ZNF90: variants seen among roughly 807,000 people sequenced by gnomAD.
The protein encoded by ZNF90 is zinc finger protein 90.
ZNF90 carries 11 observed loss-of-function variants against 12.0 expected under a neutral mutation model. That is an observed-to-expected ratio of 0.92 (90% CI 0.58 to 1.52). The LOEUF is 1.52. Among genes scored for constraint, ZNF90 ranks in the 40% most tolerant of loss-of-function variants. ZNF90 has a pLI of 0.00. For missense variants in ZNF90, 765 were observed against 711.5 expected (o/e 1.08, Z -0.86); for synonymous variants, 232 against 240.1 (o/e 0.97, Z 0.31).
At chr19:20,116,849 G>A (rs2089140706) in intron 3 of ZNF90, among the ~76,000 whole-genome samples, 1 of 151,860 alleles carries the variant, frequency 6.6e-6, no homozygotes, top group African/African-American at 2.4e-5. Context: ...TTTAGACTCA[G>A]TAGACTCAAA....
In ZNF90 at chr19:20,119,999, A is replaced by G. The variant is rs2122536597; in HGVS notation, c.*639A>G. Among the ~76,000 whole-genome samples, 1 of 152,354 alleles carries G rather than the reference A, an allele frequency of 6.6e-6. No homozygotes were observed. The highest frequency in any genetic ancestry group is 1.9e-4 in the East Asian group (1 of 5,192). ...ACCTCCAACTTTTCTGTACATAAAG[A>G]TGATTATACTAGTGTGAAACCCTAG... On this transcript the variant is annotated 3_prime_UTR_variant, in exon 4 of 4. Transcript: ENST00000418063.
In ZNF90 at chr19:20,118,624, G is replaced by A. The variant is rs537270861; in HGVS notation, c.1070G>A (p.Arg357His). The A allele has an allele frequency of 3.3e-5, 52 of 1,595,118 alleles. No homozygotes were observed. Among genetic ancestry groups the A allele is most frequent in the Middle Eastern group, 3.3e-4 (2 of 5,972 alleles). ...GKAFRRSLVL[R>H]THKRIHTGEK... ...GCCTTCAGGCGCTCCTTAGTCCTTCGTACACATAAGAGAATTCATACTGGA... is the reference window on the plus strand; with the variant it reads ...GCCTTCAGGCGCTCCTTAGTCCTTCATACACATAAGAGAATTCATACTGGA... The change falls in exon 4 of 4, where the codon CGT (arginine) becomes CAT (histidine). Residue 357 changes from arginine to histidine, a missense_variant. Physicochemically the swap from Arg to His is conservative, Grantham distance 29 (BLOSUM62 0). Coordinates refer to ENST00000418063, the MANE Select transcript of ZNF90 (RefSeq NM_007138.2).
At chr19:20,089,076 T>C (rs1311615127) in intron 1 of ZNF90, among the ~76,000 whole-genome samples, 14 of 152,066 alleles carry the variant, frequency 9.2e-5, no homozygotes, top group African/African-American at 3.4e-4. Context: ...AGATGTAAAG[T>C]AAAAAGATGA....
intron 1 of ZNF90, among the ~76,000 whole-genome samples, chr19:20,086,042 C>T (rs1199500754): frequency 6.6e-6 from 1 of 151,970 alleles, no homozygotes; most frequent in African/African-American, 2.4e-5. Flanking sequence ...ACCTGATGAT[C>T]CAAGGTAATT....
At chr19:20,090,830 G>T (rs553571893) in intron 1 of ZNF90, among the ~76,000 whole-genome samples, 1 of 152,318 alleles carries the variant, frequency 6.6e-6, no homozygotes, top group Admixed American at 6.5e-5. Context: ...TCTGAGAAGA[G>T]CAAGAGGTAA....
intron 1 of ZNF90, among the ~76,000 whole-genome samples, chr19:20,089,612 G>A (rs1483093052): frequency 1.3e-5 from 2 of 152,164 alleles, no homozygotes; most frequent in African/African-American, 4.8e-5. Flanking sequence ...AAATAGGGGG[G>A]AAGTAGAGTT....
intron 1 of ZNF90, among the ~76,000 whole-genome samples, chr19:20,094,553 C>T (rs537540249): frequency 4.2e-4 from 64 of 152,256 alleles, no homozygotes; most frequent in Non-Finnish European, 8.5e-4. Context: ...CATGTAATCT[C>T]GCCTAGCTAT....
Position 20,105,254 on chromosome 19 carries a change from G to T in ZNF90, c.164G>T (p.Cys55Phe). 1 of 1,607,480 alleles carries T rather than the reference G, an allele frequency of 6.2e-7. No individual in the cohort carries two copies. The highest frequency in any genetic ancestry group is 8.5e-7 in the Non-Finnish European group (1 of 1,176,674). ...IVVTKPDLIT[C>F]LEQGKKPFTV... ...GTCACTAAGCCAGACCTGATCACCTGTCTGGAGCAAGGAAAAAAACCCTTC... is the reference window on the plus strand; with the variant it reads ...GTCACTAAGCCAGACCTGATCACCTTTCTGGAGCAAGGAAAAAAACCCTTC... The change falls in exon 3 of 4, where the codon TGT (cysteine) becomes TTT (phenylalanine). Residue 55 changes from cysteine to phenylalanine, a missense_variant. Coordinates refer to ENST00000418063, the MANE Select transcript of ZNF90 (RefSeq NM_007138.2).
chr19:20,116,168 C>T (rs187695977), intron 3 of ZNF90, among the ~76,000 whole-genome samples: 32 of 152,152 alleles, frequency 2.1e-4, no homozygotes, highest in Admixed American at 1.9e-3. Context: ...CCACTGTGCC[C>T]AGCATATTTT....
intron 3 of ZNF90, among the ~76,000 whole-genome samples, chr19:20,108,842 TCAGC>T (rs2089062058): frequency 1.3e-5 from 2 of 148,200 alleles, no homozygotes; most frequent in African/African-American, 5.0e-5. Flanking sequence ...TTCTTCTGCA[TCAGC>T]TTCCCGAGTA....
chr19:20,085,121 T>G (rs2088848377), intron 1 of ZNF90, among the ~76,000 whole-genome samples: 1 of 152,188 alleles, frequency 6.6e-6, no homozygotes, highest in Non-Finnish European at 1.5e-5. Flanking sequence ...AAGGGTCCAG[T>G]TTCTGTCTTC....
At chr19:20,082,579 T>C (rs2088828313) in intron 1 of ZNF90, among the ~76,000 whole-genome samples, 1 of 152,142 alleles carries the variant, frequency 6.6e-6, no homozygotes, top group Non-Finnish European at 1.5e-5. Context: ...AGCATGCTTG[T>C]TAAAAGTCAT....
At chr19:20,109,018 C>T (rs181838205) in intron 3 of ZNF90, among the ~76,000 whole-genome samples, 28 of 151,540 alleles carry the variant, frequency 1.8e-4, no homozygotes, top group African/African-American at 5.6e-4. Flanking sequence ...CCACCGTGCC[C>T]GGCTTCAGTG....
At chr19:20,090,512 G>A (rs146270855) in intron 1 of ZNF90, among the ~76,000 whole-genome samples, 30 of 152,274 alleles carry the variant, frequency 2.0e-4, no homozygotes, top group African/African-American at 7.0e-4. Context: ...GATCCTGCAG[G>A]CGGACGGCAG....
At chr19:20,095,690 G>C (rs1302614236) in intron 1 of ZNF90, among the ~76,000 whole-genome samples, 3 of 151,928 alleles carry the variant, frequency 2.0e-5, no homozygotes, top group Non-Finnish European at 4.4e-5. Flanking sequence ...AGAGATAAGA[G>C]ATAAGAGATT....
At chr19:20,108,046 T>C (rs1407945797) in intron 3 of ZNF90, among the ~76,000 whole-genome samples, 4 of 152,188 alleles carry the variant, frequency 2.6e-5, no homozygotes, top group East Asian at 1.9e-4. Flanking sequence ...TATTTAACAA[T>C]GTAAGTCTAC....
chr19:20,081,816 G>A (rs1599638194), intron 1 of ZNF90, among the ~76,000 whole-genome samples: 1 of 150,828 alleles, frequency 6.6e-6, no homozygotes, highest in Non-Finnish European at 1.5e-5. Flanking sequence ...CCAGGCTGGA[G>A]TGCAGTGGCG....
At chr19:20,113,049 T>A (rs2122521114) in intron 3 of ZNF90, among the ~76,000 whole-genome samples, 1 of 152,328 alleles carries the variant, frequency 6.6e-6, no homozygotes, top group South Asian at 2.1e-4. Context: ...TGGAGCAAAA[T>A]TAAATATGAA....
chr19:20,081,400 G>A (rs916629162), intron 1 of ZNF90, among the ~76,000 whole-genome samples: 4 of 151,960 alleles, frequency 2.6e-5, no homozygotes, highest in African/African-American at 9.7e-5. Flanking sequence ...TGTTGGCCAC[G>A]CTGGTCTCAA....
Sources: gnomAD v4.1 joint callset for allele counts (sites outside exome capture counted in the v4.1 genomes callset) on GRCh38, gnomAD v4.1.1 for gene constraint, MANE v1.5 for transcripts, NCBI Gene and HGNC (gene_info 2026-07-23, HGNC 2026-07-21) for gene names.